Variants in LYST observed in about 807,000 individuals in gnomAD.
LYST encodes lysosomal-trafficking regulator.
A neutral mutation model predicts 413.6 loss-of-function variants in LYST; 192 were observed. The ratio of observed to expected loss-of-function variants is 0.46; its 90% CI spans 0.41 to 0.52. The LOEUF (loss-of-function observed/expected upper bound fraction) is 0.52, where lower values mean the gene tolerates loss of function less well. Among genes scored for constraint, LYST ranks in the 20% least tolerant of loss-of-function variants. The probability of loss-of-function intolerance (pLI) is 0.00; values close to 1 mark genes in which losing one functional copy is unlikely to be tolerated. For synonymous variants in LYST, 1,525 were observed against 1,567.3 expected, an observed-to-expected ratio of 0.97 and a Z score of 0.64; for missense variants, 3,815 against 4,499.9, an observed-to-expected ratio of 0.85 and a Z score of 4.35.
At chr1:235,878,490 C>T (rs1054629847) in intron 1 of LYST, among the ~76,000 whole-genome samples, 2 of 152,162 alleles carry the variant, frequency 1.3e-5, no homozygotes, top group Non-Finnish European at 2.9e-5. Context: ...AAAATAATGA[C>T]GGCCGCCCTG....
chr1:235,687,494 A>T (rs959311335), intron 47 of LYST, among the ~76,000 whole-genome samples: 1 of 152,206 alleles, frequency 6.6e-6, no homozygotes, highest in Non-Finnish European at 1.5e-5. Context: ...TGCTTCTAAT[A>T]GTTCTAAAGA....
chr1:235,708,224 AT>A (rs552252336), intron 44 of LYST, among the ~76,000 whole-genome samples: 200 of 152,258 alleles, frequency 1.3e-3, no homozygotes, highest in African/African-American at 4.6e-3. Flanking sequence ...TTCACTATTT[AT>A]TTCTGGATGG....
chr1:235,808,780 T>TG lies in LYST; in HGVS notation c.2037dup (p.Ser680GlnfsTer5). 6.2e-7 allele frequency: 1 copy of TG among 1,614,068 alleles called. No individual in the cohort carries two copies. Among genetic ancestry groups the TG allele is most frequent in the Non-Finnish European group, 8.5e-7 (1 of 1,179,982 alleles). ...CACAACAAATCTTCAGATCCACTGC[T>TG]GGGCAGGATCCCTTGAAATCTGTAA... On this transcript the variant is annotated frameshift_variant, in exon 5 of 53. Coordinates refer to ENST00000389793, the MANE Select transcript of LYST (RefSeq NM_000081.4). LOFTEE classifies it high-confidence loss of function.
chr1:235,796,472 C>G (rs779990909), intron 10 of LYST, among the ~76,000 whole-genome samples: 1 of 152,166 alleles, frequency 6.6e-6, no homozygotes, highest in Non-Finnish European at 1.5e-5. Flanking sequence ...TTTGGATAGG[C>G]ATTTCTCTGA....
At chr1:235,679,904 GGCTAAAGCTCCTTCCT>G (rs1407640792) in intron 48 of LYST, among the ~76,000 whole-genome samples, 1 of 151,842 alleles carries the variant, frequency 6.6e-6, no homozygotes, top group Non-Finnish European at 1.5e-5. Flanking sequence ...GTGTCCTCAG[GGCTAAAGCTCCTTCCT>G]GCTTATTTAC....
intron 44 of LYST, among the ~76,000 whole-genome samples, chr1:235,704,637 A>G (rs1429178189): frequency 6.6e-6 from 1 of 152,112 alleles, no homozygotes; most frequent in Non-Finnish European, 1.5e-5. Flanking sequence ...AGTTCCTTAT[A>G]GATGCTGGAT....
At chr1:235,780,662 G>A (rs1214610951) in intron 16 of LYST, among the ~76,000 whole-genome samples, 1 of 151,680 alleles carries the variant, frequency 6.6e-6, no homozygotes, top group African/African-American at 2.4e-5. Flanking sequence ...AGGAAAAGGA[G>A]ATATAAATAT....
In LYST at chr1:235,759,574, T is replaced by C. The variant is rs770811951; in HGVS notation, c.6279A>G (p.Pro2093=). The stretch of plus-strand genomic sequence containing the variant: ...GCAGCATATGGGCGGCCATCTGTTG[T>C]GGAATAATATTAGAGGAATTCTCTC... ...YEGENSSNII[P]QQMAAHMLRS... The change falls in exon 23 of 53, where the codon CCA becomes CCG. Residue 2093 remains proline, a synonymous_variant. Transcript: ENST00000389793. The C allele has an allele frequency of 2.5e-5, 40 of 1,613,426 alleles. No individual in the cohort carries two copies. The Admixed American group carries it at 6.7e-4, about 27-fold the overall frequency.
intron 3 of LYST, among the ~76,000 whole-genome samples, chr1:235,823,735 T>G (rs1675030428): frequency 6.6e-6 from 1 of 152,240 alleles, no homozygotes; most frequent in South Asian, 2.1e-4. Context: ...GCAATTCTTC[T>G]GGTCTGGTGT....
At chr1:235,787,124 T>C in intron 14 of LYST, 76 bp downstream of exon 14, 1 of 1,134,064 alleles carries the variant, frequency 8.8e-7, no homozygotes, top group Non-Finnish European at 1.3e-6. Context: ...GTATTCTGTT[T>C]CAGAAGCTAT....
chr1:235,688,036 T>C (rs889697921), intron 47 of LYST, among the ~76,000 whole-genome samples: 1 of 152,246 alleles, frequency 6.6e-6, no homozygotes, highest in Non-Finnish European at 1.5e-5. Context: ...GGATCCAATT[T>C]TATGTTTTCA....
At chr1:235,863,137 A>C (rs1680094491) in intron 1 of LYST, among the ~76,000 whole-genome samples, 1 of 152,158 alleles carries the variant, frequency 6.6e-6, no homozygotes, top group Non-Finnish European at 1.5e-5. Context: ...TCACGCCTGT[A>C]ATCCAGGCAC....
intron 16 of LYST, among the ~76,000 whole-genome samples, chr1:235,778,740 CA>C (rs1669565726): frequency 6.6e-6 from 1 of 151,922 alleles, no homozygotes; most frequent in Admixed American, 6.6e-5. Context: ...CGTATCTGTG[CA>C]CCAGCTAAAC....
At chr1:235,768,542 A>G (rs1443768661) in intron 20 of LYST, among the ~76,000 whole-genome samples, 1 of 152,136 alleles carries the variant, frequency 6.6e-6, no homozygotes, top group East Asian at 1.9e-4. Context: ...TATGTTTAAT[A>G]AATGGCTGTT....
intron 1 of LYST, chr1:235,839,872 A>AT (rs1392654830): frequency 2.0e-5 from 3 of 152,054 alleles, no homozygotes; most frequent in African/African-American, 7.2e-5. Flanking sequence ...AAAATAAATC[A>AT]TCAGTTCATG....
At chr1:235,783,858 T>C (rs1268171843) in intron 14 of LYST, among the ~76,000 whole-genome samples, 1 of 149,602 alleles carries the variant, frequency 6.7e-6, no homozygotes, top group African/African-American at 2.5e-5. Flanking sequence ...CCTCTTCAAA[T>C]GTATTCTTTT....
chr1:235,788,487 C>T (rs974814685), intron 13 of LYST, among the ~76,000 whole-genome samples: 5 of 151,784 alleles, frequency 3.3e-5, no homozygotes, highest in Admixed American at 6.6e-5. Flanking sequence ...CACACCCAGC[C>T]GAGAATTAAT....
intron 16 of LYST, among the ~76,000 whole-genome samples, chr1:235,778,098 A>AATATAT (rs139907712): frequency 0.018 from 2,363 of 127,984 alleles, 202 homozygotes; most frequent in African/African-American, 0.073. Context: ...AACCCAGTTA[A>AATATAT]ATATATATAT....
At chr1:235,727,759 T>A (rs984508298) in intron 38 of LYST, among the ~76,000 whole-genome samples, 5 of 152,150 alleles carry the variant, frequency 3.3e-5, no homozygotes, top group African/African-American at 1.2e-4. Context: ...GATAGTGAAC[T>A]GGGAGTGGCA....
Sources: allele counts gnomAD v4.1 joint callset (sites outside exome capture counted in the v4.1 genomes callset), GRCh38; gene constraint gnomAD v4.1.1; transcripts MANE v1.5; gene names NCBI Gene and HGNC (gene_info 2026-07-23, HGNC 2026-07-21).